Variants in KNL1 observed in about 807,000 individuals in gnomAD.
KNL1 encodes the protein kinetochore scaffold 1, also known as outer kinetochore KNL1 complex subunit KNL1.
KNL1 carries 66 observed loss-of-function variants against 201.3 expected under a neutral mutation model. The ratio of observed to expected loss-of-function variants is 0.33; its 90% CI spans 0.27 to 0.40. The LOEUF is 0.40. Ranked by LOEUF, KNL1 falls within the 10% of genes least tolerant of loss-of-function variation. KNL1 has a pLI of 1.00. For missense variants in KNL1, 2,815 were observed against 2,690.5 expected, an observed-to-expected ratio of 1.05 and a Z score of -1.02; for synonymous variants, 895 against 899.2, an observed-to-expected ratio of 1.00 and a Z score of 0.08.
At chr15:40,658,561 C>CAAAAAAAAAA (rs35180053) in intron 24 of KNL1, among the ~76,000 whole-genome samples, 1 of 74,170 alleles carries the variant, frequency 1.3e-5, no homozygotes. Flanking sequence ...GAATCTGTCT[C>CAAAAAAAAAA]AAAAAAAAAA....
chr15:40,621,025 C>T lies in KNL1; in HGVS notation c.761C>T (p.Thr254Ile). ...YSKEPNSASS[T>I]HQMHVSLKED... ...AAGGAACCGAACAGTGCCTCTTCTA[C>T]ACATCAAATGCATGTATCTCTTAAG... is the stretch of plus-strand genomic sequence containing the variant. Residue 254 changes from threonine to isoleucine, a missense_variant, in exon 10 of 26, where the codon ACA (threonine) becomes ATA (isoleucine). Around this residue, in one of 3 missense-constraint regions of KNL1, gnomAD observed 2,464 missense variants for 2,291.7 expected, o/e 1.08. Transcript: ENST00000399668. The T allele has an allele frequency of 6.2e-7, 1 of 1,606,516 alleles. No homozygotes were observed. Among genetic ancestry groups the T allele is most frequent in the Non-Finnish European group, 8.5e-7 (1 of 1,176,958 alleles).
intron 13 of KNL1, among the ~76,000 whole-genome samples, chr15:40,638,572 A>G (rs1015308284): frequency 3.3e-5 from 5 of 151,204 alleles, no homozygotes; most frequent in South Asian, 2.1e-4. Context: ...GCTCACTGCA[A>G]CCTCCGCCTC....
chr15:40,614,295 A>G (rs141010354), intron 7 of KNL1, among the ~76,000 whole-genome samples: 2,098 of 151,340 alleles, frequency 0.014, 49 homozygotes, highest in African/African-American at 0.048. Context: ...ATGGGGTTTC[A>G]CCACGTTGGC....
chr15:40,645,848 A>C (rs1053383159), intron 16 of KNL1, 76 bp downstream of exon 16: 4 of 762,846 alleles, frequency 5.2e-6, no homozygotes, highest in East Asian at 2.9e-5. Context: ...AATATGAAGA[A>C]TCTTCCTTAG....
rs1891579767 is a variant in KNL1 at position 40,594,903 on chromosome 15, G to GC, written c.-18+512dup. ...GCACGTAACAGATTTTTCGTTTTCTGCAAGTATAATAACCTTAACAAATGA... is the reference window on the plus strand; with the variant it reads ...GCACGTAACAGATTTTTCGTTTTCTGCCAAGTATAATAACCTTAACAAATGA... On this transcript the variant is annotated intron_variant, in intron 1 of 25. Coordinates refer to ENST00000399668, the MANE Select transcript of KNL1 (RefSeq NM_144508.5). 2.0e-5 allele frequency among the ~76,000 whole-genome samples: 3 copies of GC among 152,332 alleles called. No homozygotes were observed. The South Asian group carries it at 6.2e-4, about 32-fold the overall frequency.
At chr15:40,602,018 G>GT (rs1305198046) in intron 1 of KNL1, among the ~76,000 whole-genome samples, 4 of 147,446 alleles carry the variant, frequency 2.7e-5, no homozygotes, top group East Asian at 2.1e-4. Context: ...ATTTTTGTGG[G>GT]TTTTTTTGTT....
At chr15:40,655,407 C>G (rs1280945995) in intron 22 of KNL1, among the ~76,000 whole-genome samples, 1 of 151,768 alleles carries the variant, frequency 6.6e-6, no homozygotes, top group East Asian at 1.9e-4. Context: ...GCCTGGCCAA[C>G]ATGATGAAAC....
chr15:40,647,024 T>G lies in KNL1; in HGVS notation c.6044T>G (p.Met2015Arg), dbSNP rs760636478. 1.3e-6 allele frequency: 2 copies of G among 1,526,922 alleles called. No individual in the cohort carries two copies. The highest frequency in any genetic ancestry group is 9.1e-7 in the Non-Finnish European group (1 of 1,101,184). 94.6% of individuals were successfully genotyped at this position (1,526,922 alleles called of 1,614,324 possible). A position where few individuals can be genotyped will look rare whatever the true frequency, so the allele number is the denominator to read the frequency against. ...AAACTTCAAATAAAGATAGATGAGATGGATAAAATACTTAAGAAGATCGAT... is the reference window on the plus strand; with the variant it reads ...AAACTTCAAATAAAGATAGATGAGAGGGATAAAATACTTAAGAAGATCGAT... ...REKLQIKIDE[M>R]DKILKKIDNC... Residue 2015 changes from methionine (M) to arginine (R), a missense_variant, in exon 17 of 26, where the codon ATG (methionine) becomes AGG (arginine). By Grantham distance (91) the Met-to-Arg change is moderately conservative (BLOSUM62 -1). Transcript: ENST00000399668.
At chr15:40,608,453 AAAG>A (rs1161093206) in intron 4 of KNL1, among the ~76,000 whole-genome samples, 3 of 151,236 alleles carry the variant, frequency 2.0e-5, no homozygotes, top group African/African-American at 7.3e-5. Context: ...AAAAAAAAAA[AAAG>A]ACTTGTCTGG....
rs1595923503 is a variant in KNL1 at position 40,620,702 on chromosome 15, A to C, written c.438A>C (p.Ser146=). The C allele has an allele frequency of 4.4e-6, 7 of 1,603,390 alleles. No individual in the cohort carries two copies. The highest frequency in any genetic ancestry group is 5.9e-6 in the Non-Finnish European group (7 of 1,177,228). ...CAAATGACCAGACAGTCATTTTTTC[A>C]GATGAAAACCAGATGGACCTGACAT... ...KHANDQTVIF[S]DENQMDLTSS... Residue 146 remains serine (S), a synonymous_variant, in exon 10 of 26, where the codon TCA becomes TCC. Transcript: ENST00000399668.
chr15:40,603,248 C>A (rs1004492783), intron 2 of KNL1, among the ~76,000 whole-genome samples: 1 of 152,166 alleles, frequency 6.6e-6, no homozygotes, highest in African/African-American at 2.4e-5. Context: ...TCCCTCACCC[C>A]CTGGCAGGCC....
In KNL1 at chr15:40,645,764, T is replaced by C; in HGVS notation, c.5998T>C (p.Ser2000Pro). 6.4e-7 allele frequency: 1 copy of C among 1,560,658 alleles called. No individual in the cohort carries two copies. The highest frequency in any genetic ancestry group is 8.8e-7 in the Non-Finnish European group (1 of 1,140,562). Residue 2000 changes from serine (S) to proline (P), a missense_variant, in exon 16 of 26, where the codon TCA becomes CCA. Around this residue, in one of 3 missense-constraint regions of KNL1, gnomAD observed 334 missense variants for 362.6 expected, o/e 0.92. Transcript: ENST00000399668. ...GGCTCTGTATGGCAAGCTGGTGCAG[T>C]CAGCTCAGGTAATTTGAGACAGTTA... ...KVALYGKLVQ[S>P]AQNEREKLQI...
At position 40,657,104 on chromosome 15, in the gene KNL1, A is replaced by G. The variant is rs758942967; in HGVS notation, c.6547A>G (p.Lys2183Glu). The change falls in exon 23 of 26, where the codon AAG becomes GAG. Residue 2183 changes from lysine (K) to glutamate (E), a missense_variant. By Grantham distance (56) the Lys-to-Glu change is moderately conservative. Around this residue, in one of 3 missense-constraint regions of KNL1, gnomAD observed 334 missense variants for 362.6 expected, o/e 0.92. Transcript: ENST00000399668. ...GCTTATTTTCCAGTACGTTGAAGAA[A>G]AGGAATCCTGGAAGAAGACATGTAC... ...HKLIFQYVEEKESWKKTCTTQ... is the reference protein window; with the variant it reads ...HKLIFQYVEEEESWKKTCTTQ... 2 of 1,611,416 alleles carry G rather than the reference A, an allele frequency of 1.2e-6. No individual in the cohort carries two copies. Among genetic ancestry groups the G allele is most frequent in the South Asian group, 2.2e-5 (2 of 90,362 alleles).
rs575351557 is a variant in KNL1 at position 40,663,357 on chromosome 15, A to G, written c.*1169A>G. 2.3e-5 allele frequency: 4 copies of G among 177,408 alleles called. No homozygotes were observed. The highest frequency in any genetic ancestry group is 1.9e-4 in the East Asian group (2 of 10,616). The allele number at this position is 177,408 out of a possible 1,614,324, so 11.0% of individuals were successfully genotyped here. A position where few individuals can be genotyped will look rare whatever the true frequency, so the allele number is the denominator to read the frequency against. On this transcript the variant is annotated 3_prime_UTR_variant, in exon 26 of 26. Coordinates refer to ENST00000399668, the MANE Select transcript of KNL1 (RefSeq NM_144508.5). ...CAGGTGTGAGCCACCACACCCAGCA[A>G]TGTTTTCTTAATAAGTATAGTTTTT...
intron 13 of KNL1, 82 bp from the exon 14 acceptor site, chr15:40,640,830 G>A (rs1893205332): frequency 2.5e-6 from 2 of 805,954 alleles, no homozygotes; most frequent in Non-Finnish European, 4.1e-6. Flanking sequence ...TTTAAAATAG[G>A]CACTCTGAAA....
At chr15:40,628,231 A>G in intron 11 of KNL1, 23 bp downstream of exon 11, 3 of 1,566,026 alleles carry the variant, frequency 1.9e-6, no homozygotes, top group South Asian at 1.2e-5. Flanking sequence ...TGAAGGCTAA[A>G]TAATAGCAGC....
At chr15:40,604,116 T>TATCATCATCATCATC (rs71104704) in intron 2 of KNL1, among the ~76,000 whole-genome samples, 1 of 149,434 alleles carries the variant, frequency 6.7e-6, no homozygotes, top group Non-Finnish European at 1.5e-5. Flanking sequence ...CTGTCTCACA[T>TATCATCATCATCATC]ATCATCATCA....
intron 21 of KNL1, among the ~76,000 whole-genome samples, chr15:40,652,819 T>C (rs547208337): frequency 1.3e-5 from 2 of 150,768 alleles, no homozygotes; most frequent in South Asian, 4.2e-4. Flanking sequence ...TCTGTGTGTA[T>C]AGGTGGGTTT....
At position 40,650,583 on chromosome 15, in the gene KNL1, G is replaced by T; in HGVS notation, c.6212G>T (p.Arg2071Ile). The change falls in exon 19 of 26, where the codon AGA becomes ATA. Residue 2071 changes from arginine (R) to isoleucine (I), a missense_variant and splice_region_variant. Coordinates refer to ENST00000399668, the MANE Select transcript of KNL1 (RefSeq NM_144508.5). ...QLKTEEEELQ[R>I]NLLELEVQKE... ...AAAACTGAAGAAGAGGAGCTTCAAAGGTCAGCCTTCAATCCAAGTGTTAGA... is the reference window on the plus strand; with the variant it reads ...AAAACTGAAGAAGAGGAGCTTCAAATGTCAGCCTTCAATCCAAGTGTTAGA... 6.4e-7 allele frequency: 1 copy of T among 1,558,664 alleles called. No individual in the cohort carries two copies. Among genetic ancestry groups the T allele is most frequent in the Admixed American group, 2.2e-5 (1 of 45,456 alleles).
Sources: allele counts gnomAD v4.1 joint callset (sites outside exome capture counted in the v4.1 genomes callset), GRCh38; gene constraint gnomAD v4.1.1; regional missense constraint gnomAD v4.1.1; transcripts MANE v1.5; gene names NCBI Gene and HGNC (gene_info 2026-07-23, HGNC 2026-07-21).